Variants in HAX1 observed in about 807,000 individuals in gnomAD.
HAX1 encodes HCLS1 associated protein X-1.
HAX1 carries 27 observed loss-of-function variants against 31.1 expected under a neutral mutation model. That is an observed-to-expected ratio of 0.87 (90% CI 0.64 to 1.20). The LOEUF is 1.20. Among genes scored for constraint, HAX1 ranks in the 50% most tolerant of loss-of-function variants. HAX1 has a pLI of 0.00. For missense variants in HAX1, 357 were observed against 361.6 expected, an observed-to-expected ratio of 0.99 and a Z score of 0.10; for synonymous variants, 114 against 124.1, an observed-to-expected ratio of 0.92 and a Z score of 0.54.
Position 154,275,181 on chromosome 1 carries a change from G to T in HAX1, c.584G>T (p.Gly195Val), listed in dbSNP as rs1247516318. The change falls in exon 5 of 7, where the codon GGT becomes GTT. Residue 195 changes from glycine (G) to valine (V), a missense_variant. Gly to Val is a moderately radical substitution (Grantham distance 109, BLOSUM62 -3). Coordinates refer to ENST00000328703, the MANE Select transcript of HAX1 (RefSeq NM_006118.4). ...CTTGATTCCCAGGTTTCCCAGGAGG[G>T]TCTTGGCCCGGTTCTACAGCCCCAG... is the stretch of plus-strand genomic sequence containing the variant. ...NDLDSQVSQE[G>V]LGPVLQPQPK... is the part of the protein sequence containing the mutation. The T allele has an allele frequency of 6.2e-7, 1 of 1,612,884 alleles. No homozygotes were observed.
At chr1:154,273,233 G>C (rs1684848168) in intron 1 of HAX1, 103 bp from the exon 2 acceptor site, 12 of 1,396,404 alleles carry the variant, frequency 8.6e-6, no homozygotes, top group Non-Finnish European at 1.2e-5. Flanking sequence ...CCTCTCCCTA[G>C]CTTCCCAGAC....
chr1:154,273,452 C>T lies in HAX1; in HGVS notation c.170C>T (p.Pro57Leu), dbSNP rs201495532. Reference protein sequence around the residue: ...GNPRFHSPQHPPEEFGFGFSF... With the variant: ...GNPRFHSPQHLPEEFGFGFSF... ...CCAAGGTTCCATAGTCCTCAGCACCCCCCTGAGGAATTTGGCTTCGGCTTC... is the reference window on the plus strand; with the variant it reads ...CCAAGGTTCCATAGTCCTCAGCACCTCCCTGAGGAATTTGGCTTCGGCTTC... The change falls in exon 2 of 7, where the codon CCC (proline) becomes CTC (leucine). Residue 57 changes from proline (P) to leucine (L), a missense_variant. Coordinates refer to ENST00000328703, the MANE Select transcript of HAX1 (RefSeq NM_006118.4). 42 of 1,613,992 alleles carry T rather than the reference C, an allele frequency of 2.6e-5. No individual in the cohort carries two copies. The African/African-American group carries it at 5.1e-4, about 19-fold the overall frequency.
chr1:154,273,548 A>G lies in HAX1; in HGVS notation c.266A>G (p.Asn89Ser), dbSNP rs1378857204. ...FGFDDLVRDF[N>S]SIFSDMGAWT... ...TTTGATGACCTAGTACGAGATTTCA[A>G]TAGCATCTTCAGCGATATGGGGGCC... The change falls in exon 2 of 7, where the codon AAT (asparagine) becomes AGT (serine). Residue 89 changes from asparagine (N) to serine (S), a missense_variant. Physicochemically the swap from Asn to Ser is conservative, Grantham distance 46. Transcript: ENST00000328703. 8 of 1,614,072 alleles carry G rather than the reference A, an allele frequency of 5.0e-6. No individual in the cohort carries two copies. Among genetic ancestry groups the G allele is most frequent in the African/African-American group, 1.3e-5 (1 of 74,918 alleles).
Position 154,273,412 on chromosome 1 carries a change from T to A in HAX1, c.130T>A (p.Trp44Arg). Reference sequence around the variant, plus strand: ...GGAAGAAGAAGAAGAAGGGGGCTCATGGGGCCGTGGGAACCCAAGGTTCCA... The same window carrying A: ...GGAAGAAGAAGAAGAAGGGGGCTCAAGGGGCCGTGGGAACCCAAGGTTCCA... ...DEEEEEEGGSWGRGNPRFHSP... is the reference protein window; with the variant it reads ...DEEEEEEGGSRGRGNPRFHSP... The change falls in exon 2 of 7, where the codon TGG becomes AGG. Residue 44 changes from tryptophan to arginine, a missense_variant. Trp to Arg is a moderately radical substitution (Grantham distance 101). Coordinates refer to ENST00000328703, the MANE Select transcript of HAX1 (RefSeq NM_006118.4). The A allele has an allele frequency of 6.2e-7, 1 of 1,614,060 alleles. No homozygotes were observed. The highest frequency in any genetic ancestry group is 8.5e-7 in the Non-Finnish European group (1 of 1,179,982).
chr1:154,275,183 C>T lies in HAX1; in HGVS notation c.586C>T (p.Leu196Phe), dbSNP rs759265854. 4 of 1,613,104 alleles carry T rather than the reference C, an allele frequency of 2.5e-6. No homozygotes were observed. The highest frequency in any genetic ancestry group is 3.4e-6 in the Non-Finnish European group (4 of 1,179,056). The change falls in exon 5 of 7, where the codon CTT becomes TTT. Residue 196 changes from leucine (L) to phenylalanine (F), a missense_variant. Leu to Phe is a conservative substitution (Grantham distance 22). Transcript: ENST00000328703. ...DLDSQVSQEGLGPVLQPQPKS... is the reference protein window; with the variant it reads ...DLDSQVSQEGFGPVLQPQPKS... ...TGATTCCCAGGTTTCCCAGGAGGGTCTTGGCCCGGTTCTACAGCCCCAGCC... is the reference window on the plus strand; with the variant it reads ...TGATTCCCAGGTTTCCCAGGAGGGTTTTGGCCCGGTTCTACAGCCCCAGCC...
chr1:154,274,873 G>C, intron 3 of HAX1, 77 bp from the exon 4 acceptor site: 1 of 1,004,676 alleles, frequency 1.0e-6, no homozygotes. Context: ...TTGGAGCTCG[G>C]GAGTAGTTTG....
chr1:154,273,387 GGAA>G lies in HAX1; in HGVS notation c.119_121del (p.Glu40del), dbSNP rs753894148. 91 of 1,611,774 alleles carry G rather than the reference GGAA, an allele frequency of 5.6e-5. No individual in the cohort carries two copies. The highest frequency in any genetic ancestry group is 1.7e-4 in the Admixed American group (10 of 59,930). ...TGACTCGAGATGAAGATGATGATGA[GGAA>G]GAAGAAGAAGAAGGGGGCTCATGGG... On this transcript the variant is annotated inframe_deletion, in exon 2 of 7. Transcript: ENST00000328703.
rs1378109315 is a variant in HAX1 at position 154,273,376 on chromosome 1, G to T, written c.94G>T (p.Asp32Tyr). The change falls in exon 2 of 7, where the codon GAT becomes TAT. Residue 32 changes from aspartate (D) to tyrosine (Y), a missense_variant. Physicochemically the swap from Asp to Tyr is radical, Grantham distance 160. Transcript: ENST00000328703. ...TTTTGGAGGGATGACTCGAGATGAA[G>T]ATGATGATGAGGAAGAAGAAGAAGA... ...PFFGGMTRDE[D>Y]DDEEEEEEGG... 6.2e-7 allele frequency: 1 copy of T among 1,613,746 alleles called. No individual in the cohort carries two copies. The highest frequency in any genetic ancestry group is 1.1e-5 in the South Asian group (1 of 91,062).
In HAX1 at chr1:154,275,171, T is replaced by C. The variant is rs751426915; in HGVS notation, c.574T>C (p.Ser192Pro). The C allele has an allele frequency of 3.9e-5, 63 of 1,611,096 alleles. No homozygotes were observed. The highest frequency in any genetic ancestry group is 7.6e-6 in the Non-Finnish European group (9 of 1,177,306). The change falls in exon 5 of 7, where the codon TCC becomes CCC. Residue 192 changes from serine to proline, a missense_variant. Transcript: ENST00000328703. Reference protein sequence around the residue: ...REDNDLDSQVSQEGLGPVLQP... With the variant: ...REDNDLDSQVPQEGLGPVLQP... The stretch of plus-strand genomic sequence containing the variant: ...TCTTCCAGATCTTGATTCCCAGGTT[T>C]CCCAGGAGGGTCTTGGCCCGGTTCT...
At position 154,272,773 on chromosome 1, in the gene HAX1, G is replaced by T. The variant is rs753420935; in HGVS notation, c.50G>T (p.Arg17Leu). The change falls in exon 1 of 7, where the codon CGG becomes CTG. Residue 17 changes from arginine (R) to leucine (L), a missense_variant. Coordinates refer to ENST00000328703, the MANE Select transcript of HAX1 (RefSeq NM_006118.4). ...FRGFFGFPGP[R>L]SHRDPFFGGM... Reference sequence around the variant, plus strand: ...GGCTTTTTCGGCTTTCCTGGACCTCGGAGGTGAGAGTAGGTCCGGCTCGGA... The same window carrying T: ...GGCTTTTTCGGCTTTCCTGGACCTCTGAGGTGAGAGTAGGTCCGGCTCGGA... 1.9e-6 allele frequency: 3 copies of T among 1,613,990 alleles called. No individual in the cohort carries two copies. The highest frequency in any genetic ancestry group is 1.7e-6 in the Non-Finnish European group (2 of 1,179,888).
chr1:154,275,598 T>C lies in HAX1; in HGVS notation c.755-18T>C. Reference sequence around the variant, plus strand: ...CTCTTTCATTTAGCCTATTTACGTGTATGACTTTCTTCCTTAGATCCAGAA... The same window carrying C: ...CTCTTTCATTTAGCCTATTTACGTGCATGACTTTCTTCCTTAGATCCAGAA... On this transcript the variant is annotated intron_variant, in intron 6 of 6. Coordinates refer to ENST00000328703, the MANE Select transcript of HAX1 (RefSeq NM_006118.4). The C allele has an allele frequency of 6.2e-7, 1 of 1,603,850 alleles. No homozygotes were observed. The highest frequency in any genetic ancestry group is 8.5e-7 in the Non-Finnish European group (1 of 1,170,560).
intron 3 of HAX1, among the ~76,000 whole-genome samples, chr1:154,274,325 G>T (rs1263735916): frequency 1.3e-5 from 2 of 151,324 alleles, no homozygotes; most frequent in African/African-American, 4.9e-5. Context: ...TCAGCTCACT[G>T]CAACCTCCAA....
Position 154,273,407 on chromosome 1 carries a change from G to C in HAX1, c.125G>C (p.Gly42Ala), listed in dbSNP as rs1001600867. The C allele has an allele frequency of 2.5e-6, 4 of 1,613,808 alleles. No individual in the cohort carries two copies. The highest frequency in any genetic ancestry group is 3.4e-6 in the Non-Finnish European group (4 of 1,179,760). ...GATGAGGAAGAAGAAGAAGAAGGGG[G>C]CTCATGGGGCCGTGGGAACCCAAGG... ...DDDEEEEEEG[G>A]SWGRGNPRFH... Residue 42 changes from glycine to alanine, a missense_variant, in exon 2 of 7, where the codon GGC becomes GCC. Physicochemically the swap from Gly to Ala is moderately conservative, Grantham distance 60. Transcript: ENST00000328703.
rs747989063 is a variant in HAX1 at position 154,273,617 on chromosome 1, G to C, written c.316+19G>C. On this transcript the variant is annotated intron_variant, in intron 2 of 6. Transcript: ENST00000328703. ...CCTCCTGGTGTGTGGCTTTCCCTAA[G>C]GGGCAACCTGTGGTTTCTGGTGGGT... The C allele has an allele frequency of 1.2e-6, 2 of 1,613,608 alleles. No individual in the cohort carries two copies. The highest frequency in any genetic ancestry group is 1.7e-6 in the Non-Finnish European group (2 of 1,179,510).
rs1558251541 is a variant in HAX1 at position 154,273,521 on chromosome 1, G to C, written c.239G>C (p.Gly80Ala). The change falls in exon 2 of 7, where the codon GGC becomes GCC. Residue 80 changes from glycine to alanine, a missense_variant. Gly to Ala is a moderately conservative substitution (Grantham distance 60). Coordinates refer to ENST00000328703, the MANE Select transcript of HAX1 (RefSeq NM_006118.4). ...GGGIRFHDNF[G>A]FDDLVRDFNS... ...GGGATACGTTTCCACGATAACTTCGGCTTTGATGACCTAGTACGAGATTTC... is the reference window on the plus strand; with the variant it reads ...GGGATACGTTTCCACGATAACTTCGCCTTTGATGACCTAGTACGAGATTTC... 2 of 1,614,140 alleles carry C rather than the reference G, an allele frequency of 1.2e-6. No individual in the cohort carries two copies. The highest frequency in any genetic ancestry group is 1.7e-6 in the Non-Finnish European group (2 of 1,180,030).
At chr1:154,275,284 G>A in intron 5 of HAX1, 24 bp downstream of exon 5, 1 of 1,570,236 alleles carries the variant, frequency 6.4e-7, no homozygotes, top group Admixed American at 1.7e-5. Context: ...AAGAGGTAAA[G>A]GAAAGTATGG....
At position 154,275,178 on chromosome 1, in the gene HAX1, A is replaced by T; in HGVS notation, c.581A>T (p.Glu194Val). The change falls in exon 5 of 7, where the codon GAG becomes GTG. Residue 194 changes from glutamate (E) to valine (V), a missense_variant. Transcript: ENST00000328703. ...GATCTTGATTCCCAGGTTTCCCAGG[A>T]GGGTCTTGGCCCGGTTCTACAGCCC... ...DNDLDSQVSQ[E>V]GLGPVLQPQP... The T allele has an allele frequency of 1.9e-6, 3 of 1,612,302 alleles. No individual in the cohort carries two copies. The highest frequency in any genetic ancestry group is 2.5e-6 in the Non-Finnish European group (3 of 1,178,370).
intron 3 of HAX1, 91 bp from the exon 4 acceptor site, chr1:154,274,859 G>A: frequency 1.2e-6 from 1 of 848,464 alleles, no homozygotes; most frequent in Non-Finnish European, 2.0e-6. Flanking sequence ...TGTGGAAGGG[G>A]GTTTTGGAGC....
chr1:154,274,692 A>G (rs1572019301), intron 3 of HAX1, among the ~76,000 whole-genome samples: 1 of 152,162 alleles, frequency 6.6e-6, no homozygotes, highest in Non-Finnish European at 1.5e-5. Context: ...AACAAAAACA[A>G]AAAAACACCA....
Sources: gnomAD v4.1 joint callset for allele counts (sites outside exome capture counted in the v4.1 genomes callset) on GRCh38, gnomAD v4.1.1 for gene constraint, MANE v1.5 for transcripts, NCBI Gene and HGNC (gene_info 2026-07-23, HGNC 2026-07-21) for gene names.